CSMD1: variants seen among roughly 807,000 people sequenced by gnomAD.
The protein encoded by CSMD1 is CUB and Sushi multiple domains 1.
Under a neutral mutation model 417.5 loss-of-function variants are expected in CSMD1, and 213 were observed. The ratio of observed to expected loss-of-function variants is 0.51; its 90% CI spans 0.46 to 0.57. The LOEUF is 0.57. Ranked by LOEUF, CSMD1 falls within the 20% of genes least tolerant of loss-of-function variation. CSMD1 has a pLI of 0.00. For missense variants in CSMD1, 6,923 were observed against 4,529.7 expected (o/e 1.53, Z -15.17); for synonymous variants, 2,862 against 1,736.8 (o/e 1.65, Z -16.11).
At chr8:4,104,087 C>A (rs1474700500) in intron 3 of CSMD1, among the ~76,000 whole-genome samples, 1 of 152,212 alleles carries the variant, frequency 6.6e-6, no homozygotes, top group Admixed American at 6.5e-5. Context: ...TCAAGACACA[C>A]AAATGATCAA....
intron 1 of CSMD1, among the ~76,000 whole-genome samples, chr8:4,729,373 G>C (rs892669703): frequency 8.5e-5 from 13 of 152,156 alleles, no homozygotes; most frequent in Admixed American, 3.3e-4. Context: ...AGGTTCAAGA[G>C]AGAATTGGAA....
chr8:4,093,981 G>GAT (rs1800861049), intron 3 of CSMD1, among the ~76,000 whole-genome samples: 1 of 147,500 alleles, frequency 6.8e-6, no homozygotes, highest in Non-Finnish European at 1.5e-5. Context: ...TAGATAGATA[G>GAT]ATAGATAGAT....
rs115501812 is a variant in CSMD1 at position 3,166,027 on chromosome 8, A to G, written c.5726-3750T>C. ...GTACAGAAAAAATTAGACTATTTATATTTATTCACTGTATTAGTCAAAATG... is the reference window on the plus strand; with the variant it reads ...GTACAGAAAAAATTAGACTATTTATGTTTATTCACTGTATTAGTCAAAATG... On this transcript the variant is annotated intron_variant, in intron 37 of 69. Transcript: ENST00000635120. 9.2e-3 allele frequency among the ~76,000 whole-genome samples: 1,402 copies of G among 152,266 alleles called. 23 individuals carry two copies. Among genetic ancestry groups the G allele is most frequent in the African/African-American group, 0.032 (1,348 of 41,530 alleles).
chr8:4,627,528 T>A (rs1802189354), intron 2 of CSMD1, among the ~76,000 whole-genome samples: 1 of 152,226 alleles, frequency 6.6e-6, no homozygotes, highest in South Asian at 2.1e-4. Flanking sequence ...AATAACTATT[T>A]CATTTCCTTT....
At chr8:4,973,649 A>G (rs1280608605) in intron 1 of CSMD1, among the ~76,000 whole-genome samples, 1 of 152,086 alleles carries the variant, frequency 6.6e-6, no homozygotes, top group East Asian at 1.9e-4. Context: ...CATTAAGTAC[A>G]CTCTATTGAA....
intron 3 of CSMD1, among the ~76,000 whole-genome samples, chr8:4,326,043 C>G (rs1217173399): frequency 1.3e-5 from 2 of 152,100 alleles, no homozygotes; most frequent in Admixed American, 6.6e-5. Context: ...ATTTGTTGAC[C>G]TAACACGGGA....
At chr8:4,241,953 A>G (rs571351999) in intron 3 of CSMD1, among the ~76,000 whole-genome samples, 5 of 152,192 alleles carry the variant, frequency 3.3e-5, no homozygotes, top group South Asian at 2.1e-4. Context: ...CAGATTCAGT[A>G]TAAGTTTTCA....
At chr8:3,772,079 A>C (rs1426085918) in intron 5 of CSMD1, among the ~76,000 whole-genome samples, 1 of 150,970 alleles carries the variant, frequency 6.6e-6, no homozygotes, top group East Asian at 2.0e-4. Context: ...CTACCAATCC[A>C]GGCGGTTGAT....
intron 7 of CSMD1, among the ~76,000 whole-genome samples, chr8:3,697,247 G>C (rs545662607): frequency 1.3e-5 from 2 of 152,246 alleles, no homozygotes; most frequent in South Asian, 2.1e-4. Context: ...TCAGTTTCAT[G>C]ATTCTGTAAT....
intron 5 of CSMD1, among the ~76,000 whole-genome samples, chr8:3,926,138 G>C (rs1809710444): frequency 8.5e-6 from 1 of 117,900 alleles, no homozygotes; most frequent in Non-Finnish European, 1.8e-5. Flanking sequence ...CACACTTGTG[G>C]TGTGTATAGG....
At chr8:3,838,112 G>C (rs961319763) in intron 5 of CSMD1, among the ~76,000 whole-genome samples, 3 of 151,998 alleles carry the variant, frequency 2.0e-5, no homozygotes, top group African/African-American at 7.2e-5. Flanking sequence ...TTTCTAACTT[G>C]GGATTAGAAA....
chr8:4,120,486 G>A (rs1459641296), intron 3 of CSMD1, among the ~76,000 whole-genome samples: 1 of 152,152 alleles, frequency 6.6e-6, no homozygotes, highest in Non-Finnish European at 1.5e-5. Context: ...AATGCTAGAA[G>A]AAGAACCAGG....
intron 37 of CSMD1, among the ~76,000 whole-genome samples, chr8:3,179,095 G>A (rs539390191): frequency 7.2e-4 from 109 of 150,752 alleles, no homozygotes; most frequent in East Asian, 1.2e-3. Flanking sequence ...CTACAGGCCC[G>A]CCACCACGCC....
At chr8:4,297,703 C>A (rs959537688) in intron 3 of CSMD1, among the ~76,000 whole-genome samples, 1 of 152,104 alleles carries the variant, frequency 6.6e-6, no homozygotes, top group African/African-American at 2.4e-5. Flanking sequence ...CCGGAGCCAT[C>A]GGTGATCGCC....
intron 1 of CSMD1, among the ~76,000 whole-genome samples, chr8:4,648,325 G>T (rs1389265664): frequency 6.6e-6 from 1 of 152,088 alleles, no homozygotes. Flanking sequence ...CCACCTGTGA[G>T]TCACTTAGGA....
intron 37 of CSMD1, among the ~76,000 whole-genome samples, chr8:3,163,880 G>A (rs1003360869): frequency 9.2e-5 from 14 of 152,114 alleles, no homozygotes; most frequent in Admixed American, 9.2e-4. Flanking sequence ...TAAACAAAAG[G>A]CAAAGTGAAG....
At chr8:4,882,463 GT>G (rs1256399860) in intron 1 of CSMD1, among the ~76,000 whole-genome samples, 14 of 151,878 alleles carry the variant, frequency 9.2e-5, no homozygotes, top group Admixed American at 9.2e-4. Flanking sequence ...TGGGGGGCGA[GT>G]TTGGCGTTTT....
At chr8:3,560,355 A>C (rs1799417167) in intron 10 of CSMD1, among the ~76,000 whole-genome samples, 1 of 152,160 alleles carries the variant, frequency 6.6e-6, no homozygotes, top group Admixed American at 6.6e-5. Flanking sequence ...TCATCACCAC[A>C]GTTATATGGC....
At chr8:3,380,621 C>T (rs1003843130) in intron 18 of CSMD1, among the ~76,000 whole-genome samples, 20 of 152,206 alleles carry the variant, frequency 1.3e-4, no homozygotes, top group South Asian at 4.1e-4. Context: ...CCATCACTGT[C>T]GGTAGACTAA....
Sources: gnomAD v4.1 joint callset for allele counts (sites outside exome capture counted in the v4.1 genomes callset) on GRCh38, gnomAD v4.1.1 for gene constraint, MANE v1.5 for transcripts, NCBI Gene and HGNC (gene_info 2026-07-23, HGNC 2026-07-21) for gene names.